The following MIR2052HG variants were observed in gnomAD, a reference collection of about 807,000 sequenced individuals.
MIR2052HG encodes MIR2052 host gene.
intron 2 of MIR2052HG, among the ~76,000 whole-genome samples, chr8:74,658,389 C>G (rs1808827936): frequency 6.9e-6 from 1 of 145,040 alleles, no homozygotes; most frequent in East Asian, 2.0e-4. Context: ...CTCTCGCTCT[C>G]TTTTTTTTTT....
chr8:74,617,827 G>A (rs576247066), intron 2 of MIR2052HG, among the ~76,000 whole-genome samples: 3 of 152,168 alleles, frequency 2.0e-5, no homozygotes, highest in Non-Finnish European at 4.4e-5. Context: ...CACCAACAGT[G>A]CATAAGCATT....
chr8:74,619,259 TAA>T (rs35166261), intron 2 of MIR2052HG, among the ~76,000 whole-genome samples: 1 of 151,470 alleles, frequency 6.6e-6, no homozygotes, highest in Non-Finnish European at 1.5e-5. Flanking sequence ...TTTAAAGAAA[TAA>T]AAAAAAATTC....
At chr8:74,644,267 G>A (rs1808668979) in intron 2 of MIR2052HG, among the ~76,000 whole-genome samples, 1 of 152,162 alleles carries the variant, frequency 6.6e-6, no homozygotes, top group Admixed American at 6.6e-5. Flanking sequence ...CAGTGGTCCT[G>A]TAAGATTATA....
chr8:74,693,994 A>G (rs1285279311), intron 2 of MIR2052HG, among the ~76,000 whole-genome samples: 1 of 152,108 alleles, frequency 6.6e-6, no homozygotes, highest in Non-Finnish European at 1.5e-5. Context: ...TGTCCTCCCT[A>G]TACTATTGCA....
At chr8:74,746,783 G>A (rs1468294044) in intron 4 of MIR2052HG, among the ~76,000 whole-genome samples, 1 of 152,024 alleles carries the variant, frequency 6.6e-6, no homozygotes, top group African/African-American at 2.4e-5. Context: ...ATTGTATTAT[G>A]TTTGAAATGG....
chr8:74,602,825 C>CTT (rs1330945074), intron 1 of MIR2052HG, among the ~76,000 whole-genome samples: 1 of 125,984 alleles, frequency 7.9e-6, no homozygotes, highest in South Asian at 2.5e-4. Context: ...GTGTTTCTTT[C>CTT]TTTCTTTCTT....
chr8:74,687,606 C>G (rs1292642550), intron 2 of MIR2052HG, among the ~76,000 whole-genome samples: 2 of 152,070 alleles, frequency 1.3e-5, no homozygotes, highest in East Asian at 1.9e-4. Flanking sequence ...CTGCCTGATT[C>G]TGCTTACATG....
At chr8:74,730,671 T>C (rs191564032) in intron 4 of MIR2052HG, among the ~76,000 whole-genome samples, 2 of 152,292 alleles carry the variant, frequency 1.3e-5, no homozygotes. Flanking sequence ...CAACTTAATG[T>C]TTAATTTTGG....
intron 2 of MIR2052HG, among the ~76,000 whole-genome samples, chr8:74,689,376 C>T (rs1278035590): frequency 9.9e-5 from 15 of 152,130 alleles, no homozygotes; most frequent in Non-Finnish European, 7.4e-5. Flanking sequence ...CTTGCCAATT[C>T]CATTTGGTAT....
intron 2 of MIR2052HG, among the ~76,000 whole-genome samples, chr8:74,670,158 A>C (rs554669163): frequency 1.3e-5 from 2 of 152,320 alleles, no homozygotes; most frequent in South Asian, 4.1e-4. Flanking sequence ...CTGTGAAAAA[A>C]TAAATTTTGG....
chr8:74,685,193 A>C (rs979963019), intron 2 of MIR2052HG, among the ~76,000 whole-genome samples: 3 of 152,130 alleles, frequency 2.0e-5, no homozygotes, highest in African/African-American at 4.8e-5. Context: ...AGAGCAGTTT[A>C]GACATTTCTG....
intron 2 of MIR2052HG, among the ~76,000 whole-genome samples, chr8:74,690,655 A>T (rs1809230525): frequency 6.6e-6 from 1 of 152,056 alleles, no homozygotes; most frequent in Non-Finnish European, 1.5e-5. Context: ...CATCTCAAAA[A>T]ATAAAATAAA....
chr8:74,650,181 C>A (rs1211595041), intron 2 of MIR2052HG, among the ~76,000 whole-genome samples: 2 of 152,168 alleles, frequency 1.3e-5, no homozygotes, highest in Admixed American at 6.5e-5. Context: ...ACTACCACCA[C>A]AATCAGGATA....
intron 4 of MIR2052HG, among the ~76,000 whole-genome samples, chr8:74,724,469 C>G (rs1302863390): frequency 6.6e-6 from 1 of 151,978 alleles, no homozygotes; most frequent in Non-Finnish European, 1.5e-5. Context: ...AATTAGGCAC[C>G]CATTAAATTT....
At chr8:74,678,934 C>T (rs1809086613) in intron 2 of MIR2052HG, among the ~76,000 whole-genome samples, 2 of 151,874 alleles carry the variant, frequency 1.3e-5, no homozygotes. Context: ...ATTTCATTCA[C>T]CATGAAAGAG....
At chr8:74,604,852 C>T (rs1202433666) in intron 1 of MIR2052HG, among the ~76,000 whole-genome samples, 1 of 152,032 alleles carries the variant, frequency 6.6e-6, no homozygotes, top group Non-Finnish European at 1.5e-5. Context: ...TCTCAGCCTC[C>T]GAAAGTGCTG....
chr8:74,698,414 A>G (rs780446558), intron 2 of MIR2052HG, among the ~76,000 whole-genome samples: 21 of 152,234 alleles, frequency 1.4e-4, no homozygotes, highest in Non-Finnish European at 2.8e-4. Context: ...CTAGAAGATA[A>G]CATTGGAAAA....
At chr8:74,674,800 A>T (rs1054712257) in intron 2 of MIR2052HG, among the ~76,000 whole-genome samples, 2 of 151,922 alleles carry the variant, frequency 1.3e-5, no homozygotes, top group Non-Finnish European at 2.9e-5. Flanking sequence ...ACTATACATT[A>T]CTATGATACT....
chr8:74,634,901 T>G (rs2059533), intron 2 of MIR2052HG, among the ~76,000 whole-genome samples: 89,854 of 151,988 alleles, frequency 0.59, 26,750 homozygotes, highest in East Asian at 0.77. Context: ...CTTTCCTCAA[T>G]TATTTATTGA....
Sources: allele counts gnomAD v4.1 joint callset (sites outside exome capture counted in the v4.1 genomes callset), GRCh38; gene constraint gnomAD v4.1.1; transcripts MANE v1.5; gene names NCBI Gene and HGNC (gene_info 2026-07-23, HGNC 2026-07-21).